The following CNTN5 variants were observed in gnomAD, a reference collection of about 807,000 sequenced individuals.
CNTN5 encodes the protein contactin 5, also known as contactin-5.
Under a neutral mutation model 129.1 loss-of-function variants are expected in CNTN5, and 77 were observed. The observed-to-expected ratio is 0.60, with a 90% confidence interval of 0.50 to 0.72. CNTN5 has a LOEUF of 0.72. CNTN5 is among the 30% of genes least tolerant of loss of function. CNTN5 has a pLI of 0.00. For synonymous variants in CNTN5, 509 were observed against 465.6 expected, an observed-to-expected ratio of 1.09 and a Z score of -1.20; for missense variants, 1,478 against 1,328.8, an observed-to-expected ratio of 1.11 and a Z score of -1.75.
At chr11:99,563,119 C>T (rs548630731) in intron 3 of CNTN5, among the ~76,000 whole-genome samples, 3 of 151,994 alleles carry the variant, frequency 2.0e-5, no homozygotes, top group African/African-American at 4.8e-5. Context: ...TTTTGGGAAA[C>T]GGTGGGAAAG....
chr11:99,615,188 T>C (rs1293227643), intron 3 of CNTN5, among the ~76,000 whole-genome samples: 10 of 151,600 alleles, frequency 6.6e-5, no homozygotes, highest in Admixed American at 5.9e-4. Flanking sequence ...TAAGAAATCA[T>C]AAATACTTGA....
intron 1 of CNTN5, among the ~76,000 whole-genome samples, chr11:99,258,067 C>T (rs959406391): frequency 6.6e-6 from 1 of 151,988 alleles, no homozygotes; most frequent in Non-Finnish European, 1.5e-5. Flanking sequence ...GAAATTCTCG[C>T]GGAGTTTTGA....
intron 9 of CNTN5, among the ~76,000 whole-genome samples, chr11:100,042,379 T>G (rs1942433639): frequency 6.6e-6 from 1 of 152,178 alleles, no homozygotes; most frequent in East Asian, 1.9e-4. Context: ...ATGTTTCCTT[T>G]TTTTTGTGCA....
intron 13 of CNTN5, among the ~76,000 whole-genome samples, chr11:100,153,390 T>G (rs143921045): frequency 9.2e-5 from 14 of 152,242 alleles, no homozygotes; most frequent in Non-Finnish European, 1.5e-4. Context: ...GTGATGTCTC[T>G]GATAATAATG....
At chr11:99,735,111 A>G (rs1394278806) in intron 3 of CNTN5, among the ~76,000 whole-genome samples, 1 of 152,228 alleles carries the variant, frequency 6.6e-6, no homozygotes, top group Non-Finnish European at 1.5e-5. Context: ...TACATGTATT[A>G]TTCGTACCTA....
intron 1 of CNTN5, among the ~76,000 whole-genome samples, chr11:99,319,770 T>C (rs573803791): frequency 1.6e-4 from 25 of 152,232 alleles, no homozygotes; most frequent in African/African-American, 6.0e-4. Flanking sequence ...TCTGGCTTCA[T>C]CATGAAGAAA....
chr11:99,121,585 T>C (rs1183857200), intron 1 of CNTN5, among the ~76,000 whole-genome samples: 1 of 152,206 alleles, frequency 6.6e-6, no homozygotes, highest in African/African-American at 2.4e-5. Flanking sequence ...AAAGAGAGCT[T>C]GTAGAATGGG....
At chr11:100,185,483 G>A (rs1399692493) in intron 13 of CNTN5, among the ~76,000 whole-genome samples, 1 of 152,078 alleles carries the variant, frequency 6.6e-6, no homozygotes, top group African/African-American at 2.4e-5. Context: ...AGAAGAGCGA[G>A]GTCTCGGTAT....
In CNTN5 at chr11:99,774,546, G is replaced by C. The variant is rs1470555368; in HGVS notation, c.56-44998G>C. On this transcript the variant is annotated intron_variant, in intron 3 of 24. Transcript: ENST00000524871. ...AAACAAGTTAAAAACAGACTACCTT[G>C]TATCCCTTAATGAGAGCTAGGAGGC... 2.6e-5 allele frequency among the ~76,000 whole-genome samples: 4 copies of C among 151,610 alleles called. No homozygotes were observed. In the East Asian group the frequency reaches 5.8e-4, roughly 22 times the overall value.
intron 3 of CNTN5, among the ~76,000 whole-genome samples, chr11:99,707,404 T>G (rs1245377169): frequency 1.3e-5 from 2 of 151,672 alleles, no homozygotes. Flanking sequence ...CCCCATTTGA[T>G]TATCTAAATT....
At chr11:99,695,722 TAAAC>T (rs1239245755) in intron 3 of CNTN5, among the ~76,000 whole-genome samples, 3 of 151,738 alleles carry the variant, frequency 2.0e-5, no homozygotes, top group East Asian at 3.9e-4. Flanking sequence ...ACAAAATAAA[TAAAC>T]AAATAAATAA....
chr11:99,830,508 A>C (rs1229973072), intron 4 of CNTN5, among the ~76,000 whole-genome samples: 9 of 152,128 alleles, frequency 5.9e-5, no homozygotes, highest in Non-Finnish European at 1.0e-4. Context: ...TTGTTTCCTC[A>C]AAATACTCTT....
chr11:99,992,547 A>G (rs1939179241), intron 8 of CNTN5, among the ~76,000 whole-genome samples: 2 of 152,202 alleles, frequency 1.3e-5, no homozygotes, highest in African/African-American at 4.8e-5. Flanking sequence ...AAAATCTGCT[A>G]AGGAAACTAT....
intron 3 of CNTN5, among the ~76,000 whole-genome samples, chr11:99,626,498 C>T (rs1244903220): frequency 6.6e-6 from 1 of 152,098 alleles, no homozygotes; most frequent in African/African-American, 2.4e-5. Context: ...CTGCCTATCC[C>T]TCAAGTCCAG....
chr11:100,334,403 C>A (rs1160501249), intron 21 of CNTN5, among the ~76,000 whole-genome samples: 2 of 152,080 alleles, frequency 1.3e-5, no homozygotes, highest in African/African-American at 4.8e-5. Flanking sequence ...GTAGATCTAC[C>A]ATTTGATCCA....
chr11:100,009,946 AG>A (rs545926809), intron 9 of CNTN5, among the ~76,000 whole-genome samples: 126 of 152,286 alleles, frequency 8.3e-4, no homozygotes, highest in Non-Finnish European at 1.5e-3. Flanking sequence ...TGGCATATCC[AG>A]GAAGTAGAAA....
intron 6 of CNTN5, among the ~76,000 whole-genome samples, chr11:99,887,379 G>A (rs934200806): frequency 6.6e-6 from 1 of 152,204 alleles, no homozygotes; most frequent in Non-Finnish European, 1.5e-5. Context: ...GTAAGGAAGT[G>A]TTACATAATC....
rs11822247 is a variant in CNTN5, at chr11:99,773,407, G to T, written c.56-46137G>T. The stretch of plus-strand genomic sequence containing the variant: ...TAAAGATCTTGTTCATATTTTTGTG[G>T]TTTTTTCTGCTTTATAAAAACTATT... On this transcript the variant is annotated intron_variant, in intron 3 of 24. Coordinates refer to ENST00000524871, the MANE Select transcript of CNTN5 (RefSeq NM_014361.4). Among the ~76,000 whole-genome samples the T allele has an allele frequency of 1.9e-3, 283 of 152,012 alleles. 4 individuals carry two copies. In the South Asian group the frequency reaches 0.034, roughly 18 times the overall value.
In CNTN5 at chr11:100,350,799, T is replaced by C. The variant is rs1470254544; in HGVS notation, c.3128T>C (p.Ile1043Thr). 1 of 1,608,508 alleles carries C rather than the reference T, an allele frequency of 6.2e-7. No individual in the cohort carries two copies. The highest frequency in any genetic ancestry group is 2.2e-5 in the East Asian group (1 of 44,772). The change falls in exon 24 of 25, where the codon ATT becomes ACT. Residue 1043 changes from isoleucine to threonine, a missense_variant. Transcript: ENST00000524871. ...VPLPDAGVYI[I>T]EVRAYSEGGD... ...CTCCCAGATGCTGGAGTCTATATTATTGAAGTTCGAGCATATAGTGAAGGA... is the reference window on the plus strand; with the variant it reads ...CTCCCAGATGCTGGAGTCTATATTACTGAAGTTCGAGCATATAGTGAAGGA...
Sources: allele counts gnomAD v4.1 joint callset (sites outside exome capture counted in the v4.1 genomes callset), GRCh38; gene constraint gnomAD v4.1.1; transcripts MANE v1.5; gene names NCBI Gene and HGNC (gene_info 2026-07-23, HGNC 2026-07-21).